NKAIN4: variants seen among roughly 807,000 people sequenced by gnomAD.
NKAIN4 encodes sodium/potassium-transporting ATPase subunit beta-1-interacting protein 4.
In NKAIN4, 28 loss-of-function variants were observed where a neutral mutation model predicts 28.8. That is an observed-to-expected ratio of 0.97 (90% CI 0.72 to 1.33). The LOEUF is 1.33. NKAIN4 is among the 40% of genes most tolerant of loss of function. The probability of loss-of-function intolerance (pLI) is 0.00; values close to 1 mark genes in which losing one functional copy is unlikely to be tolerated. For missense variants in NKAIN4, 289 were observed against 277.2 expected, an observed-to-expected ratio of 1.04 and a Z score of -0.30; for synonymous variants, 122 against 115.6, an observed-to-expected ratio of 1.06 and a Z score of -0.36.
At chr20:63,254,481 GC>G, upstream of NKAIN4, 1 of 1,293,640 alleles carries the variant, frequency 7.7e-7, no homozygotes. Flanking sequence ...GCCCCCGGGT[GC>G]CCCGCGCTCG....
chr20:63,246,284 C>T (rs1482824063), intron 4 of NKAIN4, among the ~76,000 whole-genome samples: 2 of 151,698 alleles, frequency 1.3e-5, no homozygotes, highest in African/African-American at 4.8e-5. Context: ...TTGATGTGCA[C>T]ACTTGGGAAA....
rs2066978403 is a variant in NKAIN4 at position 63,252,487 on chromosome 20, A to AC, written c.54+1909_54+1910insG. On this transcript the variant is annotated intron_variant, in intron 1 of 6. Transcript: ENST00000370316. The surrounding 1 kb of genome is among the most constrained non-coding windows in gnomAD (Gnocchi z 4.6). ...CAAAAAAAAAAAGGGGCTATCCAAC[A>AC]ACCCCGCCCTTCCTCCCGGGCCCCC... 2.0e-5 allele frequency among the ~76,000 whole-genome samples: 3 copies of AC among 151,322 alleles called. No individual in the cohort carries two copies. The highest frequency in any genetic ancestry group is 3.0e-5 in the Non-Finnish European group (2 of 67,782).
chr20:63,241,549 G>T, intron 6 of NKAIN4, 43 bp from the exon 7 acceptor site: 1 of 1,542,268 alleles, frequency 6.5e-7, no homozygotes, highest in Non-Finnish European at 8.8e-7. Flanking sequence ...AACAGGGCTG[G>T]GGCAGCCACT....
In NKAIN4 at chr20:63,250,010, G is replaced by A. The variant is rs1192846108; in HGVS notation, c.117C>T (p.Ala39=). 1.2e-6 allele frequency: 2 copies of A among 1,610,124 alleles called. No homozygotes were observed. The highest frequency in any genetic ancestry group is 3.4e-5 in the Admixed American group (2 of 59,610). The change falls in exon 2 of 7, where the codon GCC becomes GCT. Residue 39 remains alanine, a synonymous_variant. Transcript: ENST00000370316. Reference sequence around the variant, plus strand: ...TGACGATGATGATGTGGACAAAGTTGGCCAGGATGGGCGCCCACTGGTAGC... The same window carrying A: ...TGACGATGATGATGTGGACAAAGTTAGCCAGGATGGGCGCCCACTGGTAGC... ...FLGYQWAPIL[A]NFVHIIIVIL...
chr20:63,252,998 G>C lies in NKAIN4; in HGVS notation c.54+1399C>G, dbSNP rs578088236. On this transcript the variant is annotated intron_variant, in intron 1 of 6. Coordinates refer to ENST00000370316, the MANE Select transcript of NKAIN4 (RefSeq NM_152864.4). The surrounding 1 kb of genome is among the most constrained non-coding windows in gnomAD (Gnocchi z 4.6). ...CAACAGATGGAAACCAATGTCACTA[G>C]TGTCCCCCAAAGCAGCCTCACTTCC... 6.6e-6 allele frequency among the ~76,000 whole-genome samples: 1 copy of C among 152,240 alleles called. No homozygotes were observed. The highest frequency in any genetic ancestry group is 6.5e-5 in the Admixed American group (1 of 15,298).
chr20:63,243,988 C>T (rs776455405), intron 5 of NKAIN4, 36 bp downstream of exon 5: 3 of 1,581,370 alleles, frequency 1.9e-6, no homozygotes, highest in Non-Finnish European at 2.6e-6. Context: ...CTGTAGCCGT[C>T]TCCCGCCCCA....
At chr20:63,241,779 G>C in intron 6 of NKAIN4, 1 of 646,642 alleles carries the variant, frequency 1.5e-6, no homozygotes, top group East Asian at 3.2e-5. Context: ...GGCTCACCCA[G>C]GGGTGTGCCT....
At chr20:63,254,259 G>A (rs1361743553) in intron 1 of NKAIN4, 138 bp downstream of exon 1, 6 of 648,830 alleles carry the variant, frequency 9.2e-6, no homozygotes, top group Non-Finnish European at 1.1e-5. Context: ...GCAGCCCGGG[G>A]TCCGAGGCAT....
At chr20:63,248,362 G>A in intron 3 of NKAIN4, 1 of 182,390 alleles carries the variant, frequency 5.5e-6, no homozygotes, top group East Asian at 1.4e-4. Context: ...CCTCGGTCAG[G>A]GTCGGCTCAG....
intron 1 of NKAIN4, chr20:63,253,236 C>G (rs1264491934): frequency 3.0e-6 from 3 of 985,342 alleles, no homozygotes; most frequent in African/African-American, 1.7e-5. Flanking sequence ...ACCAACTGTT[C>G]CAAGGCCTGG....
chr20:63,244,004 T>A lies in NKAIN4; in HGVS notation c.532+20A>T. 1 of 1,607,574 alleles carries A rather than the reference T, an allele frequency of 6.2e-7. No individual in the cohort carries two copies. The highest frequency in any genetic ancestry group is 1.1e-5 in the South Asian group (1 of 90,396). On this transcript the variant is annotated intron_variant, in intron 5 of 6. Transcript: ENST00000370316. ...TGTAGCCGTCTCCCGCCCCACTGCC[T>A]GCAGAGGCCCCATACTCACAGCTGT...
At position 63,248,879 on chromosome 20, in the gene NKAIN4, G is replaced by A. The variant is rs775941026; in HGVS notation, c.209C>T (p.Ala70Val). The part of the protein sequence containing the change: ...RYVMVYTLWA[A>V]VWVTWNVFII... ...GAAGACGTTCCAGGTGACCCAGACG[G>A]CTGCCCACAGCGTGTACTAGGGAGA... Residue 70 changes from alanine (A) to valine (V), a missense_variant, in exon 3 of 7, where the codon GCC (alanine) becomes GTC (valine). By Grantham distance (64) the Ala-to-Val change is moderately conservative. Transcript: ENST00000370316. 1 of 1,612,364 alleles carries A rather than the reference G, an allele frequency of 6.2e-7. No individual in the cohort carries two copies. Among genetic ancestry groups the A allele is most frequent in the Non-Finnish European group, 8.5e-7 (1 of 1,179,524 alleles).
chr20:63,250,655 T>C (rs1385188889), intron 1 of NKAIN4, among the ~76,000 whole-genome samples: 6 of 148,444 alleles, frequency 4.0e-5, no homozygotes, highest in Admixed American at 2.0e-4. Flanking sequence ...CAGGACTCTG[T>C]TGAACTGCCC....
At chr20:63,254,079 G>A (rs971605259) in intron 1 of NKAIN4, 15 of 378,292 alleles carry the variant, frequency 4.0e-5, no homozygotes, top group African/African-American at 2.6e-4. Flanking sequence ...AGGCGATGGG[G>A]TCCAGGCGGC....
rs533912810 is a variant in NKAIN4, at chr20:63,244,031, C to A, written c.525G>T (p.Glu175Asp). ...CQVVSVFTEE[E>D]DSFDFIGGFD... Reference sequence around the variant, plus strand: ...CAGAGGCCCCATACTCACAGCTGTCCTCTTCCTCCGTAAACACGCTGACCA... The same window carrying A: ...CAGAGGCCCCATACTCACAGCTGTCATCTTCCTCCGTAAACACGCTGACCA... The change falls in exon 5 of 7, where the codon GAG becomes GAT. Residue 175 changes from glutamate (E) to aspartate (D), a missense_variant. By Grantham distance (45) the Glu-to-Asp change is conservative. Coordinates refer to ENST00000370316, the MANE Select transcript of NKAIN4 (RefSeq NM_152864.4). The A allele has an allele frequency of 6.2e-7, 1 of 1,613,446 alleles. No individual in the cohort carries two copies. Among genetic ancestry groups the A allele is most frequent in the East Asian group, 2.2e-5 (1 of 44,874 alleles).
intron 4 of NKAIN4, chr20:63,244,558 G>A (rs762459464): frequency 1.9e-5 from 9 of 471,086 alleles, no homozygotes; most frequent in Middle Eastern, 3.2e-4. Context: ...TTTTGAGCCC[G>A]GCAAAGTGCA....
chr20:63,242,251 C>T lies in NKAIN4; in HGVS notation c.617+288G>A, dbSNP rs2066767408. On this transcript the variant is annotated intron_variant, in intron 6 of 6. Transcript: ENST00000370316. ...GTGGCTCTTCAGGACACCCTTGCGG[C>T]CCCCGACTCAGAGCCGACTCCTGGA... 2.0e-5 allele frequency among the ~76,000 whole-genome samples: 3 copies of T among 152,142 alleles called. No homozygotes were observed. The South Asian group carries it at 6.2e-4, about 32-fold the overall frequency.
rs1025200443 is a variant in NKAIN4 at position 63,252,742 on chromosome 20, G to A, written c.54+1655C>T. 1.3e-5 allele frequency among the ~76,000 whole-genome samples: 2 copies of A among 152,086 alleles called. No individual in the cohort carries two copies. The highest frequency in any genetic ancestry group is 2.4e-5 in the African/African-American group (1 of 41,402). On this transcript the variant is annotated intron_variant, in intron 1 of 6. Coordinates refer to ENST00000370316, the MANE Select transcript of NKAIN4 (RefSeq NM_152864.4). This position sits in a 1 kb window ranked among gnomAD's most constrained non-coding sequence, Gnocchi z 4.6. ...AGCCCTGCGGCCCTCAAGCCAGGAT[G>A]ACTCTTTCCCTCTTGGCTGCAACCA...
chr20:63,244,136 G>A (rs2066813915), intron 4 of NKAIN4, 52 bp from the exon 5 acceptor site: 8 of 1,556,720 alleles, frequency 5.1e-6, no homozygotes, highest in East Asian at 2.3e-5. Flanking sequence ...AGCCTGTGGG[G>A]TGTCATTGAG....
Sources: gnomAD v4.1 joint callset for allele counts (sites outside exome capture counted in the v4.1 genomes callset) on GRCh38, gnomAD v4.1.1 for gene constraint, Gnocchi (gnomAD v3.1) non-coding constraint, MANE v1.5 for transcripts, NCBI Gene and HGNC (gene_info 2026-07-23, HGNC 2026-07-21) for gene names.